The following TNR variants were observed in gnomAD, a reference collection of about 807,000 sequenced individuals.
TNR encodes tenascin-R.
TNR carries 45 observed loss-of-function variants against 150.4 expected under a neutral mutation model. The ratio of observed to expected loss-of-function variants is 0.30; its 90% CI spans 0.24 to 0.38. The LOEUF (loss-of-function observed/expected upper bound fraction) is 0.38. TNR is among the 10% of genes least tolerant of loss of function. The pLI is 1.00. For synonymous variants in TNR, 687 were observed against 678.4 expected, an observed-to-expected ratio of 1.01 and a Z score of -0.20; for missense variants, 1,544 against 1,759.1, an observed-to-expected ratio of 0.88 and a Z score of 2.19.
intron 1 of TNR, among the ~76,000 whole-genome samples, chr1:175,614,436 A>G (rs1019260924): frequency 7.2e-5 from 11 of 152,178 alleles, no homozygotes; most frequent in African/African-American, 1.9e-4. Context: ...CTTGGGAGGT[A>G]TGCCTAGCAG....
intron 2 of TNR, among the ~76,000 whole-genome samples, chr1:175,505,335 CG>C (rs1253072077): frequency 1.3e-5 from 2 of 152,238 alleles, no homozygotes; most frequent in Non-Finnish European, 2.9e-5. Flanking sequence ...GCGGGACTGA[CG>C]GGCTGGCTGA....
At chr1:175,472,428 TA>T (rs1465360013) in intron 2 of TNR, among the ~76,000 whole-genome samples, 3 of 152,196 alleles carry the variant, frequency 2.0e-5, no homozygotes, top group African/African-American at 7.2e-5. Flanking sequence ...AATAGTAACA[TA>T]GCTATTTATT....
intron 2 of TNR, among the ~76,000 whole-genome samples, chr1:175,441,523 G>C (rs1245697784): frequency 2.6e-5 from 4 of 152,114 alleles, no homozygotes; most frequent in African/African-American, 9.7e-5. Context: ...ATTCATCTTA[G>C]ATTATTGTTC....
intron 2 of TNR, among the ~76,000 whole-genome samples, chr1:175,511,805 G>C (rs1262063460): frequency 6.6e-6 from 1 of 152,134 alleles, no homozygotes; most frequent in Non-Finnish European, 1.5e-5. Flanking sequence ...GGTGATCACG[G>C]ACTCTTCTTC....
At chr1:175,517,922 T>G (rs560034016) in intron 2 of TNR, among the ~76,000 whole-genome samples, 2 of 152,306 alleles carry the variant, frequency 1.3e-5, no homozygotes, top group Admixed American at 6.5e-5. Context: ...GAGATCCTAG[T>G]GCATACCCAT....
intron 1 of TNR, among the ~76,000 whole-genome samples, chr1:175,689,476 T>C (rs772635424): frequency 3.3e-5 from 5 of 152,224 alleles, no homozygotes; most frequent in African/African-American, 4.8e-5. Flanking sequence ...GGAGCAGGGC[T>C]ATTTGCATGT....
intron 9 of TNR, among the ~76,000 whole-genome samples, chr1:175,371,128 T>C (rs547668016): frequency 3.3e-4 from 50 of 151,842 alleles, no homozygotes; most frequent in Admixed American, 7.2e-4. Context: ...ATCAGCACTC[T>C]GAGTACTCCT....
At chr1:175,365,631 A>G (rs945322297) in intron 11 of TNR, among the ~76,000 whole-genome samples, 1 of 152,188 alleles carries the variant, frequency 6.6e-6, no homozygotes, top group Non-Finnish European at 1.5e-5. Context: ...ATCAACTACT[A>G]TGTCAAGGCC....
In TNR at chr1:175,403,623, T is replaced by C; in HGVS notation, c.500-7A>G. ...GGGATATAGTCCAGTTGTCCTGGAATGGTCAAGGAGAAGGTCAAAGAGCAG... is the reference window on the plus strand; with the variant it reads ...GGGATATAGTCCAGTTGTCCTGGAACGGTCAAGGAGAAGGTCAAAGAGCAG... On this transcript the variant is annotated splice_region_variant and splice_polypyrimidine_tract_variant and intron_variant, in intron 3 of 22. Transcript: ENST00000367674. 6.2e-7 allele frequency: 1 copy of C among 1,605,254 alleles called. No homozygotes were observed. Among genetic ancestry groups the C allele is most frequent in the Non-Finnish European group, 8.5e-7 (1 of 1,174,308 alleles).
chr1:175,666,636 C>T (rs1193771532), intron 1 of TNR, among the ~76,000 whole-genome samples: 1 of 152,274 alleles, frequency 6.6e-6, no homozygotes, highest in African/African-American at 2.4e-5. Flanking sequence ...GTCGGACTGG[C>T]TGGACCCGGG....
chr1:175,622,388 G>T (rs908737497), intron 1 of TNR, among the ~76,000 whole-genome samples: 3 of 152,166 alleles, frequency 2.0e-5, no homozygotes, highest in South Asian at 2.1e-4. Flanking sequence ...CAGGTGACCT[G>T]GTCCCTCCTT....
chr1:175,424,807 G>A (rs1403982639), intron 2 of TNR, among the ~76,000 whole-genome samples: 2 of 152,134 alleles, frequency 1.3e-5, no homozygotes, highest in East Asian at 1.9e-4. Context: ...GGGCTGGAAC[G>A]GACAGTGGCC....
chr1:175,730,567 C>A (rs1387903452), intron 1 of TNR, among the ~76,000 whole-genome samples: 1 of 152,136 alleles, frequency 6.6e-6, no homozygotes, highest in East Asian at 1.9e-4. Flanking sequence ...GATGAAAACC[C>A]ATTTGTTCAT....
chr1:175,445,773 C>A (rs1227048916), intron 2 of TNR, among the ~76,000 whole-genome samples: 1 of 152,182 alleles, frequency 6.6e-6, no homozygotes, highest in Non-Finnish European at 1.5e-5. Flanking sequence ...AGAAAACTCC[C>A]CGAGGTTAAT....
At chr1:175,587,083 G>A (rs1233228612) in intron 1 of TNR, among the ~76,000 whole-genome samples, 1 of 152,126 alleles carries the variant, frequency 6.6e-6, no homozygotes, top group Non-Finnish European at 1.5e-5. Context: ...TACAAAGCCT[G>A]CATTACGTCA....
At chr1:175,492,243 T>C (rs1015111522) in intron 2 of TNR, among the ~76,000 whole-genome samples, 2 of 152,242 alleles carry the variant, frequency 1.3e-5, no homozygotes, top group African/African-American at 4.8e-5. Context: ...ATATTGCATG[T>C]GCTACTATCA....
chr1:175,724,635 G>A (rs1452723692), intron 1 of TNR, among the ~76,000 whole-genome samples: 2 of 152,082 alleles, frequency 1.3e-5, no homozygotes, highest in Admixed American at 1.3e-4. Context: ...TTGATTTATT[G>A]TTATTGATTA....
chr1:175,674,264 GCT>G (rs1665790724), intron 1 of TNR, among the ~76,000 whole-genome samples: 1 of 152,186 alleles, frequency 6.6e-6, no homozygotes, highest in Non-Finnish European at 1.5e-5. Context: ...AGGGATGAAT[GCT>G]CATTTTCTTT....
intron 18 of TNR, among the ~76,000 whole-genome samples, chr1:175,344,109 T>C (rs892381587): frequency 2.0e-5 from 3 of 152,164 alleles, no homozygotes; most frequent in Non-Finnish European, 4.4e-5. Flanking sequence ...TTCCTGGGTT[T>C]TAAGTACTCC....
Sources: allele counts gnomAD v4.1 joint callset (sites outside exome capture counted in the v4.1 genomes callset), GRCh38; gene constraint gnomAD v4.1.1; transcripts MANE v1.5; gene names NCBI Gene and HGNC (gene_info 2026-07-23, HGNC 2026-07-21).